The following NOX1 variants were observed in gnomAD, a reference collection of about 807,000 sequenced individuals.
The protein encoded by NOX1 is NADPH oxidase 1.
A neutral mutation model predicts 42.5 loss-of-function variants in NOX1; 34 were observed. The observed-to-expected ratio is 0.80, with a 90% confidence interval of 0.61 to 1.07. NOX1 has a LOEUF of 1.07. Ranked by LOEUF, NOX1 falls within the 50% of genes least tolerant of loss-of-function variation. The probability of loss-of-function intolerance (pLI) is 0.00; values close to 1 mark genes in which losing one functional copy is unlikely to be tolerated. For missense variants in NOX1, 408 were observed against 427.0 expected (o/e 0.96, Z 0.39); for synonymous variants, 143 against 152.5 (o/e 0.94, Z 0.46).
rs1569445448 is a variant in NOX1, at chrX:100,853,258, C to CT, written c.805-1934dup. On this transcript the variant is annotated intron_variant, in intron 7 of 12. Transcript: ENST00000372966. ...TTTTCTTTCTTTCCTTCCTTCCTTC[C>CT]TTCCTTTCTTTCTTTCTTTCTTTCT... Among the ~76,000 whole-genome samples the CT allele has an allele frequency of 1.4e-3, 54 of 37,699 alleles. 1 individual carries two copies. Among genetic ancestry groups the CT allele is most frequent in the East Asian group, 5.0e-3 (10 of 1,991 alleles). The allele number at this position is 37,699 out of a possible 115,157, so 32.7% of individuals were successfully genotyped here.
chrX:100,855,738 C>T (rs1343758359), intron 7 of NOX1: 11 of 1,019,535 alleles, frequency 1.1e-5, no homozygotes, highest in African/African-American at 1.9e-5. Context: ...ACCATGACCA[C>T]TGAAGTTTCC....
At chrX:100,847,766 CAAA>C (rs11404159) in intron 12 of NOX1, among the ~76,000 whole-genome samples, 2 of 60,722 alleles carry the variant, frequency 3.3e-5, no homozygotes, top group Non-Finnish European at 5.8e-5. Flanking sequence ...AACTCCATCT[CAAA>C]AAAAAAAAAA....
At chrX:100,852,621 A>G (rs1169133719) in intron 7 of NOX1, among the ~76,000 whole-genome samples, 1 of 112,218 alleles carries the variant, frequency 8.9e-6, no homozygotes. Flanking sequence ...AGTGTGATAC[A>G]TTGGGACTGT....
chrX:100,843,601 G>GT lies in NOX1; in HGVS notation c.*350dup. The GT allele has an allele frequency of 5.1e-6, 3 of 583,413 alleles. No homozygotes were observed. 48.1% of individuals were successfully genotyped at this position (583,413 alleles called of 1,213,427 possible). A position where few individuals can be genotyped will look rare whatever the true frequency, so the allele number is the denominator to read the frequency against. ...ATTACAAACCAAAACTCAGGAGATG[G>GT]TAACACTGGAATTGATAAAATCACC... On this transcript the variant is annotated 3_prime_UTR_variant, in exon 13 of 13. Coordinates refer to ENST00000372966, the MANE Select transcript of NOX1 (RefSeq NM_007052.5).
At chrX:100,863,111 G>T in intron 4 of NOX1, 48 bp downstream of exon 4, 1 of 933,736 alleles carries the variant, frequency 1.1e-6, no homozygotes, top group Non-Finnish European at 1.6e-6. Flanking sequence ...AATGAAGCAA[G>T]ATTCTGAATG....
intron 12 of NOX1, among the ~76,000 whole-genome samples, chrX:100,847,538 G>A (rs190507723): frequency 1.8e-5 from 2 of 110,027 alleles, no homozygotes; most frequent in South Asian, 4.0e-4. Context: ...GCTGAGGCAG[G>A]TGGATCACCT....
At chrX:100,868,064 A>G (rs1569448826) in intron 2 of NOX1, among the ~76,000 whole-genome samples, 2 of 112,232 alleles carry the variant, frequency 1.8e-5, no homozygotes, top group Non-Finnish European at 3.8e-5. Context: ...ATAACTAGTC[A>G]CATTTATTGC....
chrX:100,861,871 T>G (rs1473586545), intron 7 of NOX1, among the ~76,000 whole-genome samples: 1 of 112,520 alleles, frequency 8.9e-6, no homozygotes, highest in South Asian at 3.6e-4. Context: ...ATCCATATTA[T>G]GCAGCAAGGC....
chrX:100,863,671 C>T, intron 2 of NOX1, 76 bp from the exon 3 acceptor site: 1 of 1,136,543 alleles, frequency 8.8e-7, no homozygotes, highest in Non-Finnish European at 1.2e-6. Context: ...ACCCAGCCCA[C>T]TCATCTGAGG....
rs1454163480 is a variant in NOX1 at position 100,850,356 on chromosome X, A to G, written c.928T>C (p.Leu310=). 2 of 1,197,151 alleles carry G rather than the reference A, an allele frequency of 1.7e-6. No homozygotes were observed. Among genetic ancestry groups the G allele is most frequent in the South Asian group, 3.7e-5 (2 of 54,541 alleles). The change falls in exon 9 of 13, where the codon TTG becomes CTG. Residue 310 remains leucine, a synonymous_variant. Coordinates refer to ENST00000372966, the MANE Select transcript of NOX1 (RefSeq NM_007052.5). The stretch of plus-strand genomic sequence containing the variant: ...CTGAAGCCACGCTTGTTCATCTGCA[A>G]TTCCAAAACTTTGGATGGGTGCATA... The part of the protein sequence containing the change: ...VVMHPSKVLE[L]QMNKRGFSME...
At chrX:100,853,310 C>CTT (rs757391671) in intron 7 of NOX1, among the ~76,000 whole-genome samples, 4 of 80,361 alleles carry the variant, frequency 5.0e-5, no homozygotes, top group African/African-American at 2.0e-4. Context: ...TTCTTTCTTT[C>CTT]TTTCTTTCTT....
At position 100,855,605 on chromosome X, in the gene NOX1, A is replaced by G. The variant is rs1416453096; in HGVS notation, c.805-4280T>C. 7.9e-6 allele frequency: 8 copies of G among 1,009,260 alleles called. No homozygotes were observed. The African/African-American group carries it at 9.4e-5, about 12-fold the overall frequency. 83.2% of individuals were successfully genotyped at this position (1,009,260 alleles called of 1,213,427 possible). A position where few individuals can be genotyped will look rare whatever the true frequency, so the allele number is the denominator to read the frequency against. On this transcript the variant is annotated intron_variant, in intron 7 of 12. Transcript: ENST00000372966. Reference sequence around the variant, plus strand: ...TTCCACAACCCTGTCCACCACTTCCATAGCCTCTGCTTCCTCCAGAGTAAC... The same window carrying G: ...TTCCACAACCCTGTCCACCACTTCCGTAGCCTCTGCTTCCTCCAGAGTAAC...
chrX:100,850,280 A>G lies in NOX1; in HGVS notation c.1004T>C (p.Leu335Pro). 1.7e-6 allele frequency: 2 copies of G among 1,210,413 alleles called. No individual in the cohort carries two copies. The highest frequency in any genetic ancestry group is 2.2e-6 in the Non-Finnish European group (2 of 894,171). The change falls in exon 9 of 13, where the codon CTG (leucine) becomes CCG (proline). Residue 335 changes from leucine to proline, a missense_variant. By Grantham distance (98) the Leu-to-Pro change is moderately conservative (BLOSUM62 -3). Coordinates refer to ENST00000372966, the MANE Select transcript of NOX1 (RefSeq NM_007052.5). ...IFVNCPSISL[L>P]EWHPFTLTSA... ...GGTCAAAGTAAAAGGATGCCATTCC[A>G]GGAGAGAGATTGAGGGGCAATTAAC...
chrX:100,849,836 G>C lies in NOX1; in HGVS notation c.1232C>G (p.Ala411Gly). The C allele has an allele frequency of 8.3e-7, 1 of 1,211,172 alleles. No homozygotes were observed. The highest frequency in any genetic ancestry group is 1.1e-6 in the Non-Finnish European group (1 of 894,979). ...VGAGIGVTPF[A>G]SILKSIWYKF... ...GTACCAGATGGATTTCAAGATAGAA[G>C]CAAAGGGGGTGACCCCAATTCCTGC... Residue 411 changes from alanine to glycine, a missense_variant, in exon 10 of 13, where the codon GCT becomes GGT. Coordinates refer to ENST00000372966, the MANE Select transcript of NOX1 (RefSeq NM_007052.5).
chrX:100,873,535 T>G (rs1040859776), intron 1 of NOX1, among the ~76,000 whole-genome samples: 2 of 112,270 alleles, frequency 1.8e-5, no homozygotes, highest in Non-Finnish European at 3.8e-5. Flanking sequence ...ATATGTAAAT[T>G]AGCTTCTTAA....
At chrX:100,848,602 T>C in intron 12 of NOX1, 28 bp downstream of exon 12, 1 of 1,194,600 alleles carries the variant, frequency 8.4e-7, no homozygotes, top group South Asian at 1.8e-5. Flanking sequence ...CCCTGTAAAC[T>C]CATCTTACTA....
Position 100,874,065 on chromosome X carries a change from CTAAT to C in NOX1, c.45+26_45+29del, listed in dbSNP as rs2085292418. On this transcript the variant is annotated intron_variant, in intron 1 of 12. Transcript: ENST00000372966. ...AAACATGATTTCTCCTTAATCCTTC[CTAAT>C]TAATAGGAAGTCAAACATCACTTAC... 3.7e-6 allele frequency: 4 copies of C among 1,067,999 alleles called. No individual in the cohort carries two copies. In the South Asian group the frequency reaches 7.8e-5, roughly 21 times the overall value. The allele number at this position is 1,067,999 out of a possible 1,213,427, so 88.0% of individuals were successfully genotyped here.
Position 100,862,200 on chromosome X carries a change from G to A in NOX1, c.775C>T (p.Arg259Cys). The change falls in exon 7 of 13, where the codon CGC becomes TGC. Residue 259 changes from arginine to cysteine, a missense_variant. Physicochemically the swap from Arg to Cys is radical, Grantham distance 180 (BLOSUM62 -3). Coordinates refer to ENST00000372966, the MANE Select transcript of NOX1 (RefSeq NM_007052.5). ...GGGGGATGCCCTTCAAACTTAGGGC[G>A]CCTACAGTGGGAGTCACGATCATCC... ...MWDDRDSHCRRPKFEGHPPES... is the reference protein window; with the variant it reads ...MWDDRDSHCRCPKFEGHPPES... The A allele has an allele frequency of 2.5e-6, 3 of 1,211,550 alleles. No individual in the cohort carries two copies. Among genetic ancestry groups the A allele is most frequent in the South Asian group, 1.8e-5 (1 of 56,979 alleles).
Position 100,848,652 on chromosome X carries a change from T to A in NOX1, c.1546A>T (p.Thr516Ser), listed in dbSNP as rs765650130. The A allele has an allele frequency of 2.3e-5, 28 of 1,208,930 alleles. No homozygotes were observed. Among genetic ancestry groups the A allele is most frequent in the Middle Eastern group, 2.3e-4 (1 of 4,373 alleles). ...GRPMWDNEFS[T>S]IATSHPKSVV... ...TACTTGGGGTGGGAGGTAGCTATTG[T>A]AGAAAACTCATTGTCCCACATTGGT... The change falls in exon 12 of 13, where the codon ACA (threonine) becomes TCA (serine). Residue 516 changes from threonine to serine, a missense_variant. Thr to Ser is a moderately conservative substitution (Grantham distance 58). Coordinates refer to ENST00000372966, the MANE Select transcript of NOX1 (RefSeq NM_007052.5).
Sources: allele counts gnomAD v4.1 joint callset (sites outside exome capture counted in the v4.1 genomes callset), GRCh38; gene constraint gnomAD v4.1.1; transcripts MANE v1.5; gene names NCBI Gene and HGNC (gene_info 2026-07-23, HGNC 2026-07-21).